LAMA2: variants seen among roughly 807,000 people sequenced by gnomAD.
LAMA2 encodes laminin subunit alpha-2.
In LAMA2, 269 loss-of-function variants were observed where a neutral mutation model predicts 364.8. That is an observed-to-expected ratio of 0.74 (90% CI 0.67 to 0.82). The LOEUF (loss-of-function observed/expected upper bound fraction) is 0.82. LAMA2 is among the 40% of genes least tolerant of loss of function. The pLI is 0.00. For missense variants in LAMA2, 3,807 were observed against 3,873.2 expected (o/e 0.98, Z 0.45); for synonymous variants, 1,379 against 1,370.6 (o/e 1.01, Z -0.14).
intron 30 of LAMA2, among the ~76,000 whole-genome samples, chr6:129,349,095 A>G (rs1238547724): frequency 3.3e-5 from 5 of 152,186 alleles, no homozygotes; most frequent in Non-Finnish European, 7.3e-5. Context: ...ATCATAAACC[A>G]AACAATATAT....
chr6:129,488,182 C>T (rs756551040), intron 56 of LAMA2, among the ~76,000 whole-genome samples: 29 of 151,900 alleles, frequency 1.9e-4, no homozygotes, highest in Non-Finnish European at 1.2e-4. Flanking sequence ...TGGTGGTAGG[C>T]GCCTGTAATC....
chr6:129,357,456 T>G (rs894463818), intron 32 of LAMA2, among the ~76,000 whole-genome samples: 4 of 152,070 alleles, frequency 2.6e-5, no homozygotes, highest in Admixed American at 6.6e-5. Flanking sequence ...GTGGGGTTTT[T>G]GGGATATATC....
rs143808056 is a variant in LAMA2 at position 128,928,516 on chromosome 6, T to C, written c.112+45159T>C. Among the ~76,000 whole-genome samples the C allele has an allele frequency of 1.1e-3, 167 of 152,312 alleles. 1 individual carries two copies. In the East Asian group the frequency reaches 0.017, roughly 15 times the overall value. ...CAAAGACGACTCAGCTCTATGTTGC[T>C]TAAAGAACTTTAAAAAGCATGTGCC... On this transcript the variant is annotated intron_variant, in intron 1 of 64. Coordinates refer to ENST00000421865, the MANE Select transcript of LAMA2 (RefSeq NM_000426.4).
At chr6:129,235,576 G>A (rs1372689653) in intron 12 of LAMA2, among the ~76,000 whole-genome samples, 2 of 152,090 alleles carry the variant, frequency 1.3e-5, no homozygotes, top group African/African-American at 4.8e-5. Context: ...ACTCTTAGCA[G>A]GAACTTTGGA....
intron 3 of LAMA2, among the ~76,000 whole-genome samples, chr6:129,074,858 G>A (rs1039147381): frequency 6.6e-6 from 1 of 152,148 alleles, no homozygotes; most frequent in Non-Finnish European, 1.5e-5. Flanking sequence ...CAAAGCAGGT[G>A]CTATTCTTAG....
At position 129,300,842 on chromosome 6, in the gene LAMA2, C is replaced by G; in HGVS notation, c.3144C>G (p.Thr1048=). 1 of 1,613,810 alleles carries G rather than the reference C, an allele frequency of 6.2e-7. No individual in the cohort carries two copies. Among genetic ancestry groups the G allele is most frequent in the Non-Finnish European group, 8.5e-7 (1 of 1,179,716 alleles). Residue 1048 remains threonine (T), a synonymous_variant, in exon 22 of 65, where the codon ACC becomes ACG. Coordinates refer to ENST00000421865, the MANE Select transcript of LAMA2 (RefSeq NM_000426.4). ...GEKCSKCAPN[T]WGHSITTGCK... The stretch of plus-strand genomic sequence containing the variant: ...AATGTTCTAAATGTGCACCCAATAC[C>G]TGGGGCCACAGCATTACCACTGGTT...
At chr6:129,319,361 A>G (rs1774811831) in intron 27 of LAMA2, among the ~76,000 whole-genome samples, 1 of 152,320 alleles carries the variant, frequency 6.6e-6, no homozygotes, top group East Asian at 1.9e-4. Flanking sequence ...AGCCACTCAC[A>G]TTTTAAAAAG....
intron 47 of LAMA2, among the ~76,000 whole-genome samples, chr6:129,455,342 G>C (rs1046270544): frequency 2.0e-5 from 3 of 152,282 alleles, no homozygotes; most frequent in South Asian, 4.1e-4. Context: ...GAGAGAGAGT[G>C]ACAGAGTGCT....
At chr6:129,216,647 A>G (rs1201761293) in intron 12 of LAMA2, among the ~76,000 whole-genome samples, 2 of 152,186 alleles carry the variant, frequency 1.3e-5, no homozygotes, top group Non-Finnish European at 2.9e-5. Context: ...AAAGAAAATT[A>G]TTATATCTTT....
chr6:129,089,220 TTC>T (rs1476069964), intron 3 of LAMA2, among the ~76,000 whole-genome samples: 2 of 152,252 alleles, frequency 1.3e-5, no homozygotes, highest in Non-Finnish European at 2.9e-5. Flanking sequence ...AGAAACTTTC[TTC>T]TGTCTTTGAT....
intron 41 of LAMA2, among the ~76,000 whole-genome samples, chr6:129,432,660 A>C (rs886950324): frequency 1.3e-5 from 2 of 152,116 alleles, no homozygotes; most frequent in African/African-American, 4.8e-5. Context: ...ACCAAAGACT[A>C]TTTGTCTTAT....
chr6:129,316,370 C>T (rs1013916119), intron 27 of LAMA2, among the ~76,000 whole-genome samples, 199 bp downstream of exon 27: 5 of 151,312 alleles, frequency 3.3e-5, no homozygotes, highest in East Asian at 1.9e-4. Context: ...ATGAGAAACA[C>T]GTTAAAGGGA....
At chr6:129,392,921 A>G (rs1018815907) in intron 36 of LAMA2, 124 bp from the exon 37 acceptor site, 2 of 750,330 alleles carry the variant, frequency 2.7e-6, no homozygotes, top group African/African-American at 3.5e-5. Flanking sequence ...AATCTATTTT[A>G]CATGTTTTCT....
intron 4 of LAMA2, among the ~76,000 whole-genome samples, chr6:129,120,737 T>C (rs182131524): frequency 3.3e-5 from 5 of 152,324 alleles, no homozygotes; most frequent in Admixed American, 1.3e-4. Flanking sequence ...TCTCTTCACA[T>C]TGGGTTAGGA....
intron 2 of LAMA2, among the ~76,000 whole-genome samples, chr6:129,056,198 A>G (rs759733402): frequency 5.9e-5 from 9 of 152,028 alleles, no homozygotes; most frequent in Non-Finnish European, 1.2e-4. Context: ...TGTGATATTT[A>G]TTTTTCTTCA....
At chr6:129,066,038 GTT>G (rs544271722) in intron 3 of LAMA2, among the ~76,000 whole-genome samples, 12 of 37,114 alleles carry the variant, frequency 3.2e-4, no homozygotes, top group African/African-American at 1.0e-3. Context: ...CCAGTCTCAG[GTT>G]TTTTTTTTTT....
At chr6:129,187,940 A>G (rs1039456298) in intron 10 of LAMA2, among the ~76,000 whole-genome samples, 5 of 151,874 alleles carry the variant, frequency 3.3e-5, no homozygotes, top group Non-Finnish European at 5.9e-5. Context: ...TCTTGTTCCC[A>G]ATGTCTTTGC....
chr6:129,409,088 C>T (rs961674359), intron 40 of LAMA2, among the ~76,000 whole-genome samples: 2 of 152,188 alleles, frequency 1.3e-5, no homozygotes, highest in Admixed American at 1.3e-4. Flanking sequence ...TATATAATTA[C>T]ACATCTGGCC....
In LAMA2 at chr6:129,241,900, T is replaced by TGAGGGAAGAGTGAA. The variant is rs568810068; in HGVS notation, c.1783-8211_1783-8198dup. ...AAGAATCACCTGCAGAGTTCACGAA[T>TGAGGGAAGAGTGAA]GAGGGAAGAGTGAAAAGGGAATAGT... On this transcript the variant is annotated intron_variant, in intron 12 of 64. Transcript: ENST00000421865. 7.3e-4 allele frequency among the ~76,000 whole-genome samples: 111 copies of TGAGGGAAGAGTGAA among 152,284 alleles called. 4 individuals are homozygous for TGAGGGAAGAGTGAA. The South Asian group carries it at 0.022, about 30-fold the overall frequency.
Sources: allele counts gnomAD v4.1 joint callset (sites outside exome capture counted in the v4.1 genomes callset), GRCh38; gene constraint gnomAD v4.1.1; transcripts MANE v1.5; gene names NCBI Gene and HGNC (gene_info 2026-07-23, HGNC 2026-07-21).